DOP1A: variants seen among roughly 807,000 people sequenced by gnomAD.
DOP1A encodes DOP1 leucine zipper like protein A.
DOP1A carries 90 observed loss-of-function variants against 267.6 expected under a neutral mutation model. The ratio of observed to expected loss-of-function variants is 0.34; its 90% CI spans 0.28 to 0.40. DOP1A has a LOEUF of 0.40. Ranked by LOEUF, DOP1A falls within the 10% of genes least tolerant of loss-of-function variation. The pLI is 1.00. For missense variants in DOP1A, 2,437 were observed against 2,900.4 expected, an observed-to-expected ratio of 0.84 and a Z score of 3.67; for synonymous variants, 932 against 999.1, an observed-to-expected ratio of 0.93 and a Z score of 1.27.
chr6:83,109,851 G>T (rs1331343437), intron 5 of DOP1A, among the ~76,000 whole-genome samples: 1 of 152,104 alleles, frequency 6.6e-6, no homozygotes, highest in African/African-American at 2.4e-5. Context: ...GTGTTTTGTT[G>T]TTGTTGTTCT....
chr6:83,070,132 T>C (rs1785353620), intron 1 of DOP1A, among the ~76,000 whole-genome samples: 1 of 152,174 alleles, frequency 6.6e-6, no homozygotes, highest in Admixed American at 6.5e-5. Flanking sequence ...TTAGGGTGAA[T>C]GCTGTTAATG....
At position 83,138,894 on chromosome 6, in the gene DOP1A, A is replaced by G. The variant is rs1227609191; in HGVS notation, c.4852A>G (p.Ser1618Gly). Residue 1618 changes from serine (S) to glycine (G), a missense_variant, in exon 21 of 39, where the codon AGT becomes GGT. Ser to Gly is a moderately conservative substitution (Grantham distance 56). This residue lies in a region of DOP1A where 878 missense variants were observed against 992.9 expected (regional missense o/e 0.88). Transcript: ENST00000349129. ...TGTTGTATCTGACTTAGAACACATCAGTCCCCATCAACCCATGACTTCTCT... is the reference window on the plus strand; with the variant it reads ...TGTTGTATCTGACTTAGAACACATCGGTCCCCATCAACCCATGACTTCTCT... ...DFVVSDLEHI[S>G]PHQPMTSLQY... is the part of the protein sequence containing the mutation. 6.2e-7 allele frequency: 1 copy of G among 1,614,096 alleles called. No homozygotes were observed. Among genetic ancestry groups the G allele is most frequent in the Non-Finnish European group, 8.5e-7 (1 of 1,179,962 alleles).
rs752430002 is a variant in DOP1A, at chr6:83,140,261, G to A, written c.5273G>A (p.Arg1758His). 1.5e-5 allele frequency: 25 copies of A among 1,613,120 alleles called. No homozygotes were observed. The highest frequency in any genetic ancestry group is 1.3e-4 in the East Asian group (6 of 44,870). Residue 1758 changes from arginine to histidine, a missense_variant, in exon 23 of 39, where the codon CGC becomes CAC. This residue lies in a region of DOP1A where 307 missense variants were observed against 308.6 expected (regional missense o/e 0.99). Coordinates refer to ENST00000349129, the MANE Select transcript of DOP1A (RefSeq NM_015018.4). Reference protein sequence around the residue: ...SVDQKHLFEARSGILSILHMI... With the variant: ...SVDQKHLFEAHSGILSILHMI... ...GACCAGAAACACTTGTTTGAAGCAC[G>A]CAGTGGAATCCTCTCAATCCTTCAT...
rs1477674200 is a variant in DOP1A, at chr6:83,168,278, A to C, written c.*111A>C. On this transcript the variant is annotated 3_prime_UTR_variant, in exon 39 of 39. Transcript: ENST00000349129. ...TTTTGTATGTAACAGAACACATTTC[A>C]GATTGTATTTAATTTAAATATTTGT... is the stretch of plus-strand genomic sequence containing the variant. 4 of 1,439,884 alleles carry C rather than the reference A, an allele frequency of 2.8e-6. No homozygotes were observed. In the East Asian group the frequency reaches 1.0e-4, roughly 36 times the overall value. The allele number at this position is 1,439,884 out of a possible 1,614,324, so 89.2% of individuals were successfully genotyped here. A position where few individuals can be genotyped will look rare whatever the true frequency, so the allele number is the denominator to read the frequency against.
At chr6:83,168,984 T>C (rs1331646516), downstream of DOP1A, 1 of 1,262,382 alleles carries the variant, frequency 7.9e-7, no homozygotes, top group Non-Finnish European at 1.0e-6. Context: ...AGTGACTGAA[T>C]TGTATACTTA....
chr6:83,069,624 A>G (rs1785275050), intron 1 of DOP1A, among the ~76,000 whole-genome samples: 1 of 152,198 alleles, frequency 6.6e-6, no homozygotes, highest in Non-Finnish European at 1.5e-5. Context: ...AAAAAAAATT[A>G]TATTTTTCTT....
At chr6:83,108,210 C>T (rs1773971900) in intron 4 of DOP1A, among the ~76,000 whole-genome samples, 1 of 152,142 alleles carries the variant, frequency 6.6e-6, no homozygotes, top group Non-Finnish European at 1.5e-5. Context: ...TCCAGGCTGT[C>T]ACTCTGTCAC....
intron 35 of DOP1A, among the ~76,000 whole-genome samples, 166 bp from the exon 36 acceptor site, chr6:83,158,401 T>C (rs978996565): frequency 2.6e-5 from 4 of 152,032 alleles, no homozygotes; most frequent in Admixed American, 1.3e-4. Context: ...CAAGGCTCTG[T>C]GTGGCTAAAT....
chr6:83,085,035 A>G (rs932114991), intron 1 of DOP1A, among the ~76,000 whole-genome samples: 1 of 152,192 alleles, frequency 6.6e-6, no homozygotes, highest in African/African-American at 2.4e-5. Context: ...TTCTTAGGCA[A>G]TCTGTTTTTT....
At chr6:83,083,824 T>C (rs1391730565) in intron 1 of DOP1A, among the ~76,000 whole-genome samples, 1 of 152,254 alleles carries the variant, frequency 6.6e-6, no homozygotes, top group East Asian at 1.9e-4. Flanking sequence ...CCCACCTACC[T>C]GCTAATGGCT....
intron 10 of DOP1A, 34 bp downstream of exon 10, chr6:83,120,825 T>C: frequency 7.2e-7 from 1 of 1,382,470 alleles, no homozygotes; most frequent in Non-Finnish European, 9.7e-7. Context: ...TAAGGTCATG[T>C]GTGGTACTTT....
intron 19 of DOP1A, 126 bp from the exon 20 acceptor site, chr6:83,135,493 T>A: frequency 1.9e-6 from 2 of 1,055,806 alleles, no homozygotes; most frequent in South Asian, 3.6e-5. Context: ...GATCAAAATT[T>A]ATCCTGAAGT....
intron 1 of DOP1A, among the ~76,000 whole-genome samples, chr6:83,079,140 G>T (rs2128012993): frequency 6.6e-6 from 1 of 152,288 alleles, no homozygotes; most frequent in South Asian, 2.1e-4. Flanking sequence ...GGAAACTGAT[G>T]TGCACAGATA....
intron 4 of DOP1A, among the ~76,000 whole-genome samples, chr6:83,101,692 A>C (rs1357650045): frequency 6.6e-6 from 1 of 151,974 alleles, no homozygotes; most frequent in African/African-American, 2.4e-5. Flanking sequence ...TTATATTTTC[A>C]CTTTGTAATC....
At chr6:83,092,854 G>A (rs904832727) in intron 1 of DOP1A, among the ~76,000 whole-genome samples, 1 of 151,910 alleles carries the variant, frequency 6.6e-6, no homozygotes, top group Non-Finnish European at 1.5e-5. Context: ...ACAAAGGGAG[G>A]GTTCACTTTG....
intron 5 of DOP1A, 83 bp downstream of exon 5, chr6:83,109,163 C>G: frequency 8.0e-7 from 1 of 1,249,564 alleles, no homozygotes; most frequent in South Asian, 1.4e-5. Flanking sequence ...GTTTTAACAT[C>G]ACAAATGAAT....
At chr6:83,157,517 C>A (rs1235804922) in intron 35 of DOP1A, among the ~76,000 whole-genome samples, 199 bp downstream of exon 35, 1 of 152,144 alleles carries the variant, frequency 6.6e-6, no homozygotes, top group Non-Finnish European at 1.5e-5. Context: ...AAACATGCAA[C>A]ATAGATGGAT....
intron 34 of DOP1A, 48 bp from the exon 35 acceptor site, chr6:83,157,134 T>G: frequency 6.3e-7 from 1 of 1,584,154 alleles, no homozygotes; most frequent in Non-Finnish European, 8.6e-7. Flanking sequence ...GAAAGTTTTA[T>G]GTGATAAAGA....
At chr6:83,087,229 A>G (rs559647182) in intron 1 of DOP1A, among the ~76,000 whole-genome samples, 1 of 152,274 alleles carries the variant, frequency 6.6e-6, no homozygotes, top group African/African-American at 2.4e-5. Context: ...GCAATGATGG[A>G]GGGAAGACAG....
Sources: allele counts gnomAD v4.1 joint callset (sites outside exome capture counted in the v4.1 genomes callset), GRCh38; gene constraint gnomAD v4.1.1; regional missense constraint gnomAD v4.1.1; transcripts MANE v1.5; gene names NCBI Gene and HGNC (gene_info 2026-07-23, HGNC 2026-07-21).